PLXNA1: variants seen among roughly 807,000 people sequenced by gnomAD.
PLXNA1 encodes the protein plexin-A1.
PLXNA1 carries 77 observed loss-of-function variants against 191.7 expected under a neutral mutation model. The observed-to-expected ratio is 0.40, with a 90% CI of 0.33 to 0.49. The LOEUF is 0.49. Ranked by LOEUF, PLXNA1 falls within the 20% of genes least tolerant of loss-of-function variation. The pLI is 0.63. For missense variants in PLXNA1, 2,110 were observed against 2,660.2 expected, an observed-to-expected ratio of 0.79 and a Z score of 4.55; for synonymous variants, 1,137 against 1,156.4, an observed-to-expected ratio of 0.98 and a Z score of 0.34.
At position 127,007,907 on chromosome 3, in the gene PLXNA1, G is replaced by T. The variant is rs774082146; in HGVS notation, c.2106G>T (p.Val702=). ...CCTTCCTGGAGGGCCGTGTCAACGT[G>T]TCTGAGGTAAGGCCGGGCAAGGGTG... The part of the protein sequence containing the change: ...DCAFLEGRVN[V]SEDCPQILPS... Residue 702 remains valine (V), a synonymous_variant, in exon 9 of 32, where the codon GTG becomes GTT. Transcript: ENST00000393409. 6 of 1,608,664 alleles carry T rather than the reference G, an allele frequency of 3.7e-6. No homozygotes were observed. The highest frequency in any genetic ancestry group is 2.2e-5 in the South Asian group (2 of 90,446).
chr3:127,016,925 C>A lies in PLXNA1; in HGVS notation c.3183-19C>A, dbSNP rs375350081. The A allele has an allele frequency of 6.2e-5, 100 of 1,601,820 alleles. 1 individual carries two copies. In the South Asian group the frequency reaches 9.3e-4, roughly 15 times the overall value. On this transcript the variant is annotated intron_variant, in intron 16 of 31. Coordinates refer to ENST00000393409, the MANE Select transcript of PLXNA1 (RefSeq NM_032242.4). Reference sequence around the variant, plus strand: ...CCCCAGCATCATTTGGTGACCCCCCCACCCCTGTCCTGTTCCAGCGGTGGG... The same window carrying A: ...CCCCAGCATCATTTGGTGACCCCCCAACCCCTGTCCTGTTCCAGCGGTGGG...
At chr3:127,015,125 C>G in intron 14 of PLXNA1, 59 bp from the exon 15 acceptor site, 2 of 1,569,998 alleles carry the variant, frequency 1.3e-6, no homozygotes, top group Non-Finnish European at 1.7e-6. Context: ...TGGGGCCTGT[C>G]CCCATGTGGC....
intron 1 of PLXNA1, among the ~76,000 whole-genome samples, chr3:126,986,794 G>A (rs1475824384): frequency 6.6e-6 from 1 of 152,224 alleles, no homozygotes; most frequent in Non-Finnish European, 1.5e-5. Context: ...TGGGGGAGGG[G>A]CAGGCAGCCC....
intron 1 of PLXNA1, among the ~76,000 whole-genome samples, chr3:126,987,837 G>A (rs966887888): frequency 2.6e-5 from 4 of 152,174 alleles, no homozygotes; most frequent in Non-Finnish European, 5.9e-5. Flanking sequence ...TGGACTGCAG[G>A]TCTCAAGGTT....
intron 29 of PLXNA1, 45 bp from the exon 30 acceptor site, chr3:127,032,342 G>A (rs907616271): frequency 1.3e-6 from 2 of 1,572,000 alleles, no homozygotes; most frequent in African/African-American, 2.7e-5. Flanking sequence ...CTGCTCAGGA[G>A]GGAGCAGAGG....
intron 3 of PLXNA1, 80 bp downstream of exon 3, chr3:126,991,646 A>G (rs2078991443): frequency 2.2e-6 from 3 of 1,394,996 alleles, no homozygotes; most frequent in African/African-American, 1.4e-5. Flanking sequence ...TGGCAGGCCC[A>G]GTGCTGCTGT....
At chr3:126,990,446 C>G (rs2107620845) in intron 2 of PLXNA1, among the ~76,000 whole-genome samples, 1 of 152,340 alleles carries the variant, frequency 6.6e-6, no homozygotes, top group African/African-American at 2.4e-5. Flanking sequence ...GCCTCTATCT[C>G]GCTGCCTTTC....
chr3:127,014,893 GCTTCTGTGCCT>G, intron 14 of PLXNA1, 62 bp downstream of exon 14: 1 of 1,573,552 alleles, frequency 6.4e-7, no homozygotes, highest in African/African-American at 1.3e-5. Flanking sequence ...GCCGCTCAGG[GCTTCTGTGCCT>G]CTTCAGGGCC....
Position 127,014,294 on chromosome 3 carries a change from C to G in PLXNA1, c.2523C>G (p.His841Gln), listed in dbSNP as rs2079110645. 2 of 1,596,012 alleles carry G rather than the reference C, an allele frequency of 1.3e-6. No homozygotes were observed. The highest frequency in any genetic ancestry group is 1.3e-5 in the African/African-American group (1 of 74,862). ...CVAERRCSLR[H>Q]HCAADTPASW... ...CCGAGCGCCGCTGCTCCCTGCGACA[C>G]CACTGCGCTGCCGACACACCTGCAT... The change falls in exon 12 of 32, where the codon CAC becomes CAG. Residue 841 changes from histidine to glutamine, a missense_variant. Physicochemically the swap from His to Gln is conservative, Grantham distance 24. Transcript: ENST00000393409.
intron 9 of PLXNA1, among the ~76,000 whole-genome samples, chr3:127,010,249 G>T (rs2079089115): frequency 6.6e-6 from 1 of 152,204 alleles, no homozygotes; most frequent in African/African-American, 2.4e-5. Context: ...GGGAGACTAT[G>T]CACTGGGGAA....
chr3:126,984,163 C>T (rs1172378856), intron 1 of PLXNA1, among the ~76,000 whole-genome samples: 1 of 152,158 alleles, frequency 6.6e-6, no homozygotes, highest in African/African-American at 2.4e-5. Flanking sequence ...CCAGGGAGGC[C>T]CCTCGGTCGG....
In PLXNA1 at chr3:127,014,358, G is replaced by C. The variant is rs367569800; in HGVS notation, c.2587G>C (p.Asp863His). The change falls in exon 12 of 32, where the codon GAC becomes CAC. Residue 863 changes from aspartate (D) to histidine (H), a missense_variant. Asp to His is a moderately conservative substitution (Grantham distance 81). Coordinates refer to ENST00000393409, the MANE Select transcript of PLXNA1 (RefSeq NM_032242.4). ...GCGTCACGGCAGCAGTCGCTGCACCGACCCCAAGATCCTCAAGGTAGGGCC... is the reference window on the plus strand; with the variant it reads ...GCGTCACGGCAGCAGTCGCTGCACCCACCCCAAGATCCTCAAGGTAGGGCC... ...HARHGSSRCT[D>H]PKILKLSPET... 136 of 1,593,106 alleles carry C rather than the reference G, an allele frequency of 8.5e-5. No individual in the cohort carries two copies. The highest frequency in any genetic ancestry group is 3.5e-4 in the Admixed American group (21 of 59,268).
In PLXNA1 at chr3:126,989,187, C is replaced by T; in HGVS notation, c.594C>T (p.Phe198=). ...GTPIDGKSEY[F]PTLSSRRLMA... Reference sequence around the variant, plus strand: ...CCATCGATGGCAAGTCCGAGTACTTCCCCACACTGTCCAGCCGTCGGCTCA... The same window carrying T: ...CCATCGATGGCAAGTCCGAGTACTTTCCCACACTGTCCAGCCGTCGGCTCA... Residue 198 remains phenylalanine (F), a synonymous_variant, in exon 2 of 32, where the codon TTC becomes TTT. Transcript: ENST00000393409. The T allele has an allele frequency of 6.2e-7, 1 of 1,613,568 alleles. No individual in the cohort carries two copies.
chr3:127,016,241 A>G (rs1209383210), intron 15 of PLXNA1, among the ~76,000 whole-genome samples: 1 of 151,962 alleles, frequency 6.6e-6, no homozygotes, highest in Non-Finnish European at 1.5e-5. Context: ...TGTGGGCGAC[A>G]GGGAGGCTGT....
At position 127,017,671 on chromosome 3, in the gene PLXNA1, C is replaced by G. The variant is rs760959639; in HGVS notation, c.3516+7C>G. The G allele has an allele frequency of 1.2e-6, 2 of 1,613,176 alleles. No individual in the cohort carries two copies. The highest frequency in any genetic ancestry group is 1.7e-5 in the Admixed American group (1 of 60,000). On this transcript the variant is annotated splice_region_variant and intron_variant, in intron 18 of 31. Transcript: ENST00000393409. ...CTCCCCACTCATCCTCAAGGTGGGT[C>G]ACCATTGCCCGTAGGCTGGGCCAAG...
chr3:126,985,572 C>T (rs538077307), intron 1 of PLXNA1, among the ~76,000 whole-genome samples: 24 of 152,268 alleles, frequency 1.6e-4, no homozygotes, highest in African/African-American at 4.1e-4. Flanking sequence ...GGCCTTTCCC[C>T]GGCCACAGTG....
At position 127,016,388 on chromosome 3, in the gene PLXNA1, T is replaced by C. The variant is rs982288943; in HGVS notation, c.3015-129T>C. 2.0e-5 allele frequency: 15 copies of C among 769,068 alleles called. No individual in the cohort carries two copies. The African/African-American group carries it at 2.6e-4, about 13-fold the overall frequency. 47.6% of individuals were successfully genotyped at this position (769,068 alleles called of 1,614,324 possible). On this transcript the variant is annotated intron_variant, in intron 15 of 31. Coordinates refer to ENST00000393409, the MANE Select transcript of PLXNA1 (RefSeq NM_032242.4). ...GCCCTGGGAGGGAAAGTAGCGGTGA[T>C]AGTATGCAGCCACCCAAGGCAGTAC...
Position 127,034,119 on chromosome 3 carries a change from G to A in PLXNA1, c.*102G>A. The A allele has an allele frequency of 9.1e-7, 1 of 1,097,888 alleles. No homozygotes were observed. The highest frequency in any genetic ancestry group is 1.3e-6 in the Non-Finnish European group (1 of 769,344). The allele number at this position is 1,097,888 out of a possible 1,614,324, so 68.0% of individuals were successfully genotyped here. A position where few individuals can be genotyped will look rare whatever the true frequency, so the allele number is the denominator to read the frequency against. ...GTGTGGAGTGTCCGGTGGTGCTCGGGCCGCCGCAGTGCAGCGACTGCCCGG... is the reference window on the plus strand; with the variant it reads ...GTGTGGAGTGTCCGGTGGTGCTCGGACCGCCGCAGTGCAGCGACTGCCCGG... On this transcript the variant is annotated 3_prime_UTR_variant, in exon 32 of 32. Coordinates refer to ENST00000393409, the MANE Select transcript of PLXNA1 (RefSeq NM_032242.4).
In PLXNA1 at chr3:127,014,319, T is replaced by C. The variant is rs1336662609; in HGVS notation, c.2548T>C (p.Ser850Pro). 6.3e-7 allele frequency: 1 copy of C among 1,597,816 alleles called. No individual in the cohort carries two copies. The highest frequency in any genetic ancestry group is 8.5e-7 in the Non-Finnish European group (1 of 1,176,822). The change falls in exon 12 of 32, where the codon TCG becomes CCG. Residue 850 changes from serine to proline, a missense_variant. Around this residue, in one of 4 missense-constraint regions of PLXNA1, gnomAD observed 644 missense variants for 714.3 expected, o/e 0.90. Transcript: ENST00000393409. ...CCACTGCGCTGCCGACACACCTGCA[T>C]CGTGGATGCACGCGCGTCACGGCAG... The part of the protein sequence containing the change: ...RHHCAADTPA[S>P]WMHARHGSSR...
Sources: gnomAD v4.1 joint callset for allele counts (sites outside exome capture counted in the v4.1 genomes callset) on GRCh38, gnomAD v4.1.1 for gene constraint, gnomAD v4.1.1 regional missense constraint, MANE v1.5 for transcripts, NCBI Gene and HGNC (gene_info 2026-07-23, HGNC 2026-07-21) for gene names.